SLC41A2: variants seen among roughly 807,000 people sequenced by gnomAD.
The protein encoded by SLC41A2 is SLC41A1-like 1.
In SLC41A2, 32 loss-of-function variants were observed where a neutral mutation model predicts 58.3. The observed-to-expected ratio is 0.55, with a 90% CI of 0.41 to 0.74. The LOEUF (loss-of-function observed/expected upper bound fraction) is 0.74. Ranked by LOEUF, SLC41A2 falls within the 30% of genes least tolerant of loss-of-function variation. SLC41A2 has a pLI of 0.00. For synonymous variants in SLC41A2, 190 were observed against 235.0 expected (o/e 0.81, Z 1.75); for missense variants, 514 against 680.6 (o/e 0.76, Z 2.72).
intron 2 of SLC41A2, among the ~76,000 whole-genome samples, chr12:104,919,848 T>C (rs1038952705): frequency 3.9e-5 from 6 of 152,236 alleles, no homozygotes. Context: ...TTAATTTTTC[T>C]TTTTATGGAT....
intron 4 of SLC41A2, among the ~76,000 whole-genome samples, chr12:104,891,522 T>TATATTTAACAAC (rs1176624117): frequency 6.7e-6 from 1 of 148,806 alleles, no homozygotes; most frequent in Non-Finnish European, 1.5e-5. Context: ...TATTTATATA[T>TATATTTAACAAC]ATATTTAACA....
intron 6 of SLC41A2, among the ~76,000 whole-genome samples, chr12:104,880,264 G>C (rs532555314): frequency 1.4e-4 from 22 of 152,260 alleles, no homozygotes; most frequent in East Asian, 3.9e-4. Context: ...TCTGCAAACA[G>C]GGACAATTTG....
chr12:104,828,352 T>G (rs995806802), intron 10 of SLC41A2, among the ~76,000 whole-genome samples: 1 of 152,202 alleles, frequency 6.6e-6, no homozygotes, highest in Non-Finnish European at 1.5e-5. Context: ...CTTGCACTCA[T>G]TCTCTAAGCC....
chr12:104,883,728 A>G (rs1402741023), intron 6 of SLC41A2, among the ~76,000 whole-genome samples: 1 of 152,132 alleles, frequency 6.6e-6, no homozygotes, highest in Non-Finnish European at 1.5e-5. Flanking sequence ...TCAGAGGGAC[A>G]CCCGGCTGTA....
chr12:104,901,841 A>G (rs551974732), intron 3 of SLC41A2, among the ~76,000 whole-genome samples: 11 of 152,328 alleles, frequency 7.2e-5, no homozygotes, highest in Non-Finnish European at 1.3e-4. Context: ...AGCTTTAAAA[A>G]CAAATGACCT....
intron 8 of SLC41A2, among the ~76,000 whole-genome samples, chr12:104,854,541 C>A (rs568471901): frequency 8.3e-5 from 12 of 145,210 alleles, no homozygotes; most frequent in African/African-American, 1.5e-4. Flanking sequence ...CCAGCCTGGG[C>A]GAAAGAGCCA....
At chr12:104,815,750 C>T (rs939413447) in intron 10 of SLC41A2, among the ~76,000 whole-genome samples, 1 of 152,108 alleles carries the variant, frequency 6.6e-6, no homozygotes, top group Non-Finnish European at 1.5e-5. Flanking sequence ...GGTTTCCAGG[C>T]TGGAAACCCT....
chr12:104,936,761 A>G (rs1388949613), intron 1 of SLC41A2, among the ~76,000 whole-genome samples: 2 of 152,218 alleles, frequency 1.3e-5, no homozygotes, highest in Admixed American at 6.5e-5. Flanking sequence ...GAGCCAAACT[A>G]TATCAGTGTG....
In SLC41A2 at chr12:104,803,724, G is replaced by C. The variant is rs2040779230; in HGVS notation, c.*1428C>G. ...GTGTTGGTCAAGTGTTTAGAATATA[G>C]GCCAGAGTTTTAGAAAAATTATTTG... On this transcript the variant is annotated 3_prime_UTR_variant, in exon 11 of 11. Transcript: ENST00000258538. 1.3e-5 allele frequency: 2 copies of C among 152,034 alleles called. No individual in the cohort carries two copies. The highest frequency in any genetic ancestry group is 4.8e-5 in the African/African-American group (2 of 41,398). 9.4% of individuals were successfully genotyped at this position (152,034 alleles called of 1,614,324 possible). A position where few individuals can be genotyped will look rare whatever the true frequency, so the allele number is the denominator to read the frequency against.
intron 6 of SLC41A2, among the ~76,000 whole-genome samples, chr12:104,877,355 C>T (rs1319808632): frequency 6.6e-6 from 1 of 151,970 alleles, no homozygotes; most frequent in Non-Finnish European, 1.5e-5. Context: ...TTTAGAAATA[C>T]CTTTAACAAA....
chr12:104,917,948 T>C (rs1189998317), intron 2 of SLC41A2, among the ~76,000 whole-genome samples: 4 of 149,512 alleles, frequency 2.7e-5, no homozygotes, highest in Admixed American at 2.0e-4. Context: ...ATTGTGTACA[T>C]GTACCCTAAA....
chr12:104,952,518 C>T (rs924403926), intron 1 of SLC41A2, among the ~76,000 whole-genome samples: 3 of 152,054 alleles, frequency 2.0e-5, no homozygotes, highest in Non-Finnish European at 4.4e-5. Context: ...CCAAAGAGAC[C>T]TTTTTCTAAA....
chr12:104,838,893 T>C (rs1410035037), intron 10 of SLC41A2, among the ~76,000 whole-genome samples: 5 of 152,230 alleles, frequency 3.3e-5, no homozygotes, highest in Non-Finnish European at 1.5e-5. Context: ...TGGCACACTA[T>C]ATGTACTATA....
At chr12:104,927,933 C>CA (rs1270000451) in intron 2 of SLC41A2, 40 bp downstream of exon 2, 1 of 1,500,176 alleles carries the variant, frequency 6.7e-7, no homozygotes, top group Non-Finnish European at 8.9e-7. Flanking sequence ...AATGGAATAA[C>CA]AAAAAAAGAC....
chr12:104,855,247 G>A (rs2042977746), intron 8 of SLC41A2, among the ~76,000 whole-genome samples: 1 of 152,094 alleles, frequency 6.6e-6, no homozygotes, highest in Admixed American at 6.5e-5. Flanking sequence ...TAAAATACAT[G>A]TAAGTTACAA....
chr12:104,935,185 C>T (rs533899701), intron 1 of SLC41A2, among the ~76,000 whole-genome samples: 3 of 151,872 alleles, frequency 2.0e-5, no homozygotes, highest in Admixed American at 6.6e-5. Flanking sequence ...TCTCAAACTC[C>T]TGACCTCAGG....
chr12:104,951,905 C>T (rs2047971339), intron 1 of SLC41A2, among the ~76,000 whole-genome samples: 1 of 151,748 alleles, frequency 6.6e-6, no homozygotes, highest in East Asian at 2.0e-4. Flanking sequence ...TCAGAGAATG[C>T]CTCTAAGTTC....
At chr12:104,814,691 C>A (rs1012617289) in intron 10 of SLC41A2, among the ~76,000 whole-genome samples, 36 of 151,846 alleles carry the variant, frequency 2.4e-4, no homozygotes, top group African/African-American at 8.5e-4. Flanking sequence ...CAAAATTAAA[C>A]AAGATAATAT....
Position 104,841,207 on chromosome 12 carries a change from A to T in SLC41A2, c.1536+3265T>A, listed in dbSNP as rs2042397552. Among the ~76,000 whole-genome samples the T allele has an allele frequency of 2.6e-5, 4 of 152,074 alleles. No homozygotes were observed. In the South Asian group the frequency reaches 8.3e-4, roughly 31 times the overall value. On this transcript the variant is annotated intron_variant, in intron 10 of 10. Transcript: ENST00000258538. Reference sequence around the variant, plus strand: ...CAGTAAAACCTTACAATTTTAACTGATCACTGTTAGAAGTTGTGGGGTTCT... The same window carrying T: ...CAGTAAAACCTTACAATTTTAACTGTTCACTGTTAGAAGTTGTGGGGTTCT...
Sources: allele counts gnomAD v4.1 joint callset (sites outside exome capture counted in the v4.1 genomes callset), GRCh38; gene constraint gnomAD v4.1.1; transcripts MANE v1.5; gene names NCBI Gene and HGNC (gene_info 2026-07-23, HGNC 2026-07-21).